The following GRIA1 variants were observed in gnomAD, a reference collection of about 807,000 sequenced individuals.
The protein encoded by GRIA1 is glutamate receptor 1.
A neutral mutation model predicts 99.2 loss-of-function variants in GRIA1; 31 were observed. The observed-to-expected ratio is 0.31, with a 90% CI of 0.23 to 0.42. The LOEUF (loss-of-function observed/expected upper bound fraction) is 0.42, where lower values mean the gene tolerates loss of function less well. Among genes scored for constraint, GRIA1 ranks in the 10% least tolerant of loss-of-function variants. The pLI, the probability that GRIA1 is intolerant of heterozygous loss-of-function variation, is 1.00. For synonymous variants in GRIA1, 438 were observed against 432.4 expected (o/e 1.01, Z -0.16); for missense variants, 782 against 1,157.5 (o/e 0.68, Z 4.71).
intron 12 of GRIA1, among the ~76,000 whole-genome samples, chr5:153,769,053 A>G (rs1763708070): frequency 1.3e-5 from 2 of 152,194 alleles, no homozygotes; most frequent in African/African-American, 4.8e-5. Flanking sequence ...ACAGGAGGGA[A>G]GACATTCCCT....
rs201502230 is a variant in GRIA1, at chr5:153,784,609, CG to C, written c.2271-10008del. 7.5e-3 allele frequency among the ~76,000 whole-genome samples: 1,134 copies of C among 151,458 alleles called. 5 individuals carry two copies. The highest frequency in any genetic ancestry group is 0.015 in the South Asian group (74 of 4,814). On this transcript the variant is annotated intron_variant, in intron 13 of 15. Transcript: ENST00000285900. ...TCCTACCTGTATTCCTTAAGGAACC[CG>C]GGGATGTCTGCATTTTAATTGAGGC...
At chr5:153,583,928 C>T (rs1322626546) in intron 2 of GRIA1, among the ~76,000 whole-genome samples, 2 of 152,130 alleles carry the variant, frequency 1.3e-5, no homozygotes, top group African/African-American at 4.8e-5. Context: ...TGCCAAGCTG[C>T]CTTTTGGAGT....
chr5:153,615,169 C>T (rs1394621516), intron 2 of GRIA1, among the ~76,000 whole-genome samples: 1 of 152,168 alleles, frequency 6.6e-6, no homozygotes, highest in Non-Finnish European at 1.5e-5. Flanking sequence ...ACTCAACAGA[C>T]ATTTATTTAG....
chr5:153,739,088 CA>C (rs34623069), intron 11 of GRIA1, among the ~76,000 whole-genome samples: 251 of 139,308 alleles, frequency 1.8e-3, no homozygotes, highest in Middle Eastern at 3.6e-3. Context: ...GGGATTTCTC[CA>C]AAAAAAAAAA....
intron 11 of GRIA1, among the ~76,000 whole-genome samples, chr5:153,750,922 C>A (rs1465156084): frequency 1.3e-5 from 2 of 152,044 alleles, no homozygotes; most frequent in Non-Finnish European, 2.9e-5. Context: ...GATGATGAAA[C>A]CCCGTCTCTA....
rs7736850 is a variant in GRIA1 at position 153,645,020 on chromosome 5, G to C, written c.221-1908G>C. On this transcript the variant is annotated intron_variant, in intron 2 of 15. Transcript: ENST00000285900. ...CAATGGGAAAACTTTGAGTGGATTT[G>C]TACAAGGAGAAAGAACAATGTGTTT... 6.3e-3 allele frequency among the ~76,000 whole-genome samples: 965 copies of C among 152,086 alleles called. 11 individuals are homozygous for C. The highest frequency in any genetic ancestry group is 0.024 in the Middle Eastern group (7 of 294).
chr5:153,491,028 G>A, intron 1 of GRIA1, 58 bp downstream of exon 1: 1 of 1,499,438 alleles, frequency 6.7e-7, no homozygotes, highest in South Asian at 1.1e-5. Flanking sequence ...GATTTTTTTG[G>A]GGATAGGGGT....
chr5:153,733,830 T>G (rs1428471439), intron 11 of GRIA1, among the ~76,000 whole-genome samples: 1 of 152,158 alleles, frequency 6.6e-6, no homozygotes, highest in Non-Finnish European at 1.5e-5. Context: ...TAAATATATG[T>G]GAAGTCAACA....
intron 2 of GRIA1, chr5:153,494,466 T>C (rs1754222234): frequency 6.2e-6 from 1 of 162,176 alleles, no homozygotes; most frequent in Non-Finnish European, 1.3e-5. Context: ...CCTATCTACA[T>C]GTTAAATGGA....
chr5:153,674,944 G>C (rs1025988371), intron 6 of GRIA1, among the ~76,000 whole-genome samples: 1 of 152,040 alleles, frequency 6.6e-6, no homozygotes, highest in Non-Finnish European at 1.5e-5. Flanking sequence ...AAATACCCAG[G>C]CTTCTTGTAC....
At chr5:153,606,739 G>A (rs551258871) in intron 2 of GRIA1, among the ~76,000 whole-genome samples, 32 of 151,672 alleles carry the variant, frequency 2.1e-4, no homozygotes, top group African/African-American at 6.0e-4. Context: ...TTTATGTCTC[G>A]TGACCTTGCT....
chr5:153,683,119 T>A (rs372324740), intron 7 of GRIA1, among the ~76,000 whole-genome samples: 1 of 152,178 alleles, frequency 6.6e-6, no homozygotes, highest in East Asian at 1.9e-4. Context: ...GAGGGATAAG[T>A]GCCCAGATCC....
chr5:153,556,739 A>G (rs1336650256), intron 2 of GRIA1, among the ~76,000 whole-genome samples: 1 of 152,202 alleles, frequency 6.6e-6, no homozygotes, highest in African/African-American at 2.4e-5. Flanking sequence ...AAGTCTGAAG[A>G]TTGGTCTATG....
chr5:153,538,462 C>T (rs1414109464), intron 2 of GRIA1, among the ~76,000 whole-genome samples: 3 of 152,036 alleles, frequency 2.0e-5, no homozygotes, highest in Admixed American at 2.0e-4. Flanking sequence ...AATGTGTCTG[C>T]TTCCCCAGCA....
intron 11 of GRIA1, among the ~76,000 whole-genome samples, chr5:153,731,055 T>C (rs1193953739): frequency 6.6e-6 from 1 of 152,050 alleles, no homozygotes; most frequent in African/African-American, 2.4e-5. Flanking sequence ...AAACCTTCAC[T>C]GTATGCCTCA....
At chr5:153,658,207 C>T (rs1349198553) in intron 5 of GRIA1, among the ~76,000 whole-genome samples, 5 of 152,112 alleles carry the variant, frequency 3.3e-5, no homozygotes, top group Non-Finnish European at 5.9e-5. Flanking sequence ...ATACACAGAA[C>T]AATACATAGA....
At chr5:153,598,148 T>C (rs369002151) in intron 2 of GRIA1, among the ~76,000 whole-genome samples, 1 of 151,816 alleles carries the variant, frequency 6.6e-6, no homozygotes. Flanking sequence ...TATATAATAA[T>C]ATACTATCAC....
At chr5:153,792,447 T>C (rs933008772) in intron 13 of GRIA1, among the ~76,000 whole-genome samples, 3 of 152,198 alleles carry the variant, frequency 2.0e-5, no homozygotes, top group Admixed American at 6.5e-5. Context: ...TTTTAGTTGA[T>C]CCCTATAGCT....
At chr5:153,573,631 C>T (rs572075375) in intron 2 of GRIA1, among the ~76,000 whole-genome samples, 11 of 152,106 alleles carry the variant, frequency 7.2e-5, no homozygotes, top group South Asian at 2.1e-4. Context: ...GAGTGCTGGA[C>T]GGGAGTTTTT....
Sources: allele counts gnomAD v4.1 joint callset (sites outside exome capture counted in the v4.1 genomes callset), GRCh38; gene constraint gnomAD v4.1.1; transcripts MANE v1.5; gene names NCBI Gene and HGNC (gene_info 2026-07-23, HGNC 2026-07-21).